DLG2: variants seen among roughly 807,000 people sequenced by gnomAD.
DLG2 encodes discs large MAGUK scaffold protein 2, also known as disks large homolog 2.
Under a neutral mutation model 132.5 loss-of-function variants are expected in DLG2, and 45 were observed. That is an observed-to-expected ratio of 0.34 (90% CI 0.27 to 0.44). The LOEUF (loss-of-function observed/expected upper bound fraction) is 0.44. Among genes scored for constraint, DLG2 ranks in the 20% least tolerant of loss-of-function variants. DLG2 has a pLI of 1.00. For synonymous variants in DLG2, 424 were observed against 419.6 expected (o/e 1.01, Z -0.13); for missense variants, 1,045 against 1,196.9 (o/e 0.87, Z 1.87).
intron 3 of DLG2, among the ~76,000 whole-genome samples, chr11:85,491,133 A>G (rs2093551278): frequency 6.6e-6 from 1 of 152,096 alleles, no homozygotes; most frequent in South Asian, 2.1e-4. Context: ...GATGCAACAA[A>G]CGTGATACCT....
At chr11:85,517,456 A>G (rs2094191745) in intron 3 of DLG2, among the ~76,000 whole-genome samples, 1 of 152,162 alleles carries the variant, frequency 6.6e-6, no homozygotes, top group African/African-American at 2.4e-5. Flanking sequence ...AGAAAGAAAT[A>G]AACAGCATCC....
At chr11:84,014,442 A>T (rs1307313203) in intron 11 of DLG2, among the ~76,000 whole-genome samples, 2 of 152,198 alleles carry the variant, frequency 1.3e-5, no homozygotes, top group Non-Finnish European at 2.9e-5. Flanking sequence ...AAAAATAGGC[A>T]ATTTAATATA....
chr11:83,825,866 G>T (rs986521712), intron 17 of DLG2, among the ~76,000 whole-genome samples: 1 of 152,154 alleles, frequency 6.6e-6, no homozygotes, highest in Non-Finnish European at 1.5e-5. Context: ...TGGCACTACG[G>T]CCATTCATTG....
At chr11:84,524,006 A>G (rs933388560) in intron 7 of DLG2, among the ~76,000 whole-genome samples, 2 of 152,192 alleles carry the variant, frequency 1.3e-5, no homozygotes, top group African/African-American at 4.8e-5. Flanking sequence ...AACCCCTTCC[A>G]TGGGTGTCCA....
At chr11:84,752,935 A>C (rs916865141) in intron 6 of DLG2, among the ~76,000 whole-genome samples, 3 of 151,766 alleles carry the variant, frequency 2.0e-5, no homozygotes, top group Non-Finnish European at 4.4e-5. Context: ...TCCATGGTGT[A>C]TATGTGCCAC....
chr11:85,475,475 T>C (rs12575128), intron 3 of DLG2, among the ~76,000 whole-genome samples: 2 of 152,106 alleles, frequency 1.3e-5, no homozygotes, highest in East Asian at 3.8e-4. Flanking sequence ...TAATATTTTC[T>C]AGCAATGTAA....
chr11:84,149,081 T>A (rs1456768699), intron 9 of DLG2, among the ~76,000 whole-genome samples: 1 of 152,190 alleles, frequency 6.6e-6, no homozygotes, highest in Non-Finnish European at 1.5e-5. Flanking sequence ...TCTTTTGGCC[T>A]GTTTATTTGT....
At chr11:85,199,197 G>T (rs1413948554) in intron 4 of DLG2, among the ~76,000 whole-genome samples, 1 of 152,064 alleles carries the variant, frequency 6.6e-6, no homozygotes, top group Non-Finnish European at 1.5e-5. Context: ...TTTATATAAT[G>T]TAATACTACT....
At chr11:84,744,497 A>G (rs1159219550) in intron 6 of DLG2, among the ~76,000 whole-genome samples, 1 of 152,160 alleles carries the variant, frequency 6.6e-6, no homozygotes, top group East Asian at 1.9e-4. Context: ...AGAACTCTTC[A>G]GTTCTGACTG....
chr11:84,395,609 G>A (rs1372751784), intron 7 of DLG2, among the ~76,000 whole-genome samples: 1 of 152,018 alleles, frequency 6.6e-6, no homozygotes, highest in Non-Finnish European at 1.5e-5. Flanking sequence ...CTAAAGGCAG[G>A]GTTTTGCCAT....
chr11:84,869,693 C>G (rs927911427), intron 6 of DLG2, among the ~76,000 whole-genome samples: 13 of 152,118 alleles, frequency 8.5e-5, no homozygotes, highest in Non-Finnish European at 1.0e-4. Context: ...CGATTTTCTC[C>G]ATTTGTCTCT....
At chr11:84,530,654 G>T (rs1346867187) in intron 7 of DLG2, among the ~76,000 whole-genome samples, 1 of 152,172 alleles carries the variant, frequency 6.6e-6, no homozygotes, top group Non-Finnish European at 1.5e-5. Context: ...AGTGAAAAGG[G>T]AATGCTTATA....
chr11:84,249,169 C>G (rs1389477146), intron 8 of DLG2, among the ~76,000 whole-genome samples: 2 of 152,202 alleles, frequency 1.3e-5, no homozygotes, highest in Non-Finnish European at 2.9e-5. Context: ...AAAATCAGCT[C>G]TCTGTGCTCC....
chr11:83,738,518 G>A (rs66671165), intron 18 of DLG2, among the ~76,000 whole-genome samples: 23,076 of 151,988 alleles, frequency 0.15, 2,225 homozygotes, highest in African/African-American at 0.27. Context: ...GAAAAGCTTC[G>A]AAATAATTTG....
chr11:84,984,299 A>T (rs2154121352), intron 6 of DLG2, among the ~76,000 whole-genome samples: 1 of 152,344 alleles, frequency 6.6e-6, no homozygotes, highest in African/African-American at 2.4e-5. Flanking sequence ...GAAACTCTAG[A>T]AGCTAGAAGG....
chr11:84,043,904 T>C (rs911197338), intron 11 of DLG2, among the ~76,000 whole-genome samples: 2 of 151,770 alleles, frequency 1.3e-5, no homozygotes, highest in African/African-American at 4.8e-5. Flanking sequence ...ATTTCAGCAC[T>C]TTTTAATTGA....
rs994149752 is a variant in DLG2, at chr11:84,114,073, TA to T, written c.625-15027del. 2.8e-3 allele frequency among the ~76,000 whole-genome samples: 423 copies of T among 151,870 alleles called. 4 individuals carry two copies. Among genetic ancestry groups the T allele is most frequent in the African/African-American group, 9.0e-3 (375 of 41,506 alleles). Reference sequence around the variant, plus strand: ...CTTCTACTTACTACTCTTTTTGGCTTAAAAAAAATAAAACTAGTTTTAATTT... The same window carrying T: ...CTTCTACTTACTACTCTTTTTGGCTTAAAAAAATAAAACTAGTTTTAATTT... On this transcript the variant is annotated intron_variant, in intron 9 of 27. Coordinates refer to ENST00000376104, the MANE Select transcript of DLG2 (RefSeq NM_001142699.3).
At chr11:84,012,013 G>A (rs2094917431) in intron 11 of DLG2, among the ~76,000 whole-genome samples, 1 of 152,084 alleles carries the variant, frequency 6.6e-6, no homozygotes, top group South Asian at 2.1e-4. Flanking sequence ...GATGAAGATT[G>A]TTTTTTACCC....
intron 8 of DLG2, chr11:84,166,994 G>A (rs752780537): frequency 1.3e-5 from 7 of 533,264 alleles, no homozygotes; most frequent in Middle Eastern, 3.2e-4. Context: ...TTGGGGCCCG[G>A]AGAGCTTCAC....
Sources: allele counts gnomAD v4.1 joint callset (sites outside exome capture counted in the v4.1 genomes callset), GRCh38; gene constraint gnomAD v4.1.1; transcripts MANE v1.5; gene names NCBI Gene and HGNC (gene_info 2026-07-23, HGNC 2026-07-21).